HEPH: variants seen among roughly 807,000 people sequenced by gnomAD.
The protein encoded by HEPH is hephaestin.
Under a neutral mutation model 80.8 loss-of-function variants are expected in HEPH, and 69 were observed. The ratio of observed to expected loss-of-function variants is 0.85; its 90% CI spans 0.70 to 1.04. HEPH has a LOEUF of 1.04. Among genes scored for constraint, HEPH ranks in the 50% least tolerant of loss-of-function variants. HEPH has a pLI of 0.00. For synonymous variants in HEPH, 431 were observed against 322.8 expected (o/e 1.34, Z -3.60); for missense variants, 1,115 against 891.3 (o/e 1.25, Z -3.20).
intron 16 of HEPH, 70 bp from the exon 17 acceptor site, chrX:66,256,034 TC>T: frequency 1.3e-6 from 1 of 794,117 alleles, no homozygotes; most frequent in Non-Finnish European, 1.8e-6. Flanking sequence ...AGAAGCTGGC[TC>T]CCTGCGGAGT....
chrX:66,254,778 G>T (rs2091117921), intron 15 of HEPH, among the ~76,000 whole-genome samples: 1 of 33,068 alleles, frequency 3.0e-5, no homozygotes. Context: ...GATATTAAAA[G>T]CAGAGAAAAA....
In HEPH at chrX:66,255,656, G is replaced by C. The variant is rs1052242432; in HGVS notation, c.2671-449G>C. On this transcript the variant is annotated intron_variant, in intron 16 of 20. Coordinates refer to ENST00000343002, the MANE Select transcript of HEPH (RefSeq NM_001367233.3). ...GGTGCTTTGGATGATATAAATTTAAGATACATTTCCCACCTTCAAAGAGTA... is the reference window on the plus strand; with the variant it reads ...GGTGCTTTGGATGATATAAATTTAACATACATTTCCCACCTTCAAAGAGTA... 8.2e-4 allele frequency among the ~76,000 whole-genome samples: 92 copies of C among 111,563 alleles called. 2 individuals carry two copies. The highest frequency in any genetic ancestry group is 3.0e-3 in the African/African-American group (92 of 30,714).
chrX:66,222,281 C>T (rs1332273109), intron 15 of HEPH, among the ~76,000 whole-genome samples: 2 of 112,648 alleles, frequency 1.8e-5, no homozygotes, highest in Non-Finnish European at 3.8e-5. Context: ...GCAGAGAGAG[C>T]TTGGCATGAC....
chrX:66,213,755 A>G (rs2089264077), intron 15 of HEPH, among the ~76,000 whole-genome samples: 1 of 112,038 alleles, frequency 8.9e-6, no homozygotes, highest in Non-Finnish European at 1.9e-5. Flanking sequence ...AAGTTACAAT[A>G]ATTAAAGTGA....
chrX:66,200,424 A>G (rs1015501244), intron 11 of HEPH, 116 bp from the exon 12 acceptor site: 2 of 529,765 alleles, frequency 3.8e-6, no homozygotes, highest in Admixed American at 3.6e-5. Context: ...GTTGAGGATG[A>G]CTCAGCAGTT....
intron 19 of HEPH, among the ~76,000 whole-genome samples, chrX:66,261,284 C>T (rs937459897): frequency 1.8e-5 from 2 of 111,862 alleles, no homozygotes; most frequent in African/African-American, 6.5e-5. Flanking sequence ...TGAGTTACTA[C>T]CAAGGGTGGA....
rs2091538218 is a variant in HEPH, at chrX:66,266,427, T to C, written c.3245-13T>C. ...CCATCCCAGGATGCCCATTTTTTTT[T>C]TCTCCATTTCAGCAGTGCCCCCCAG... On this transcript the variant is annotated splice_polypyrimidine_tract_variant and intron_variant, in intron 20 of 20. Coordinates refer to ENST00000343002, the MANE Select transcript of HEPH (RefSeq NM_001367233.3). 6 of 1,191,376 alleles carry C rather than the reference T, an allele frequency of 5.0e-6. No homozygotes were observed. The highest frequency in any genetic ancestry group is 6.8e-6 in the Non-Finnish European group (6 of 879,260).
At chrX:66,214,393 T>C (rs1339670549) in intron 15 of HEPH, among the ~76,000 whole-genome samples, 1 of 112,107 alleles carries the variant, frequency 8.9e-6, no homozygotes, top group Non-Finnish European at 1.9e-5. Flanking sequence ...TATATTTTAG[T>C]CATTAATCCC....
Position 66,189,829 on chromosome X carries a change from C to T in HEPH, c.954C>T (p.His318=), listed in dbSNP as rs1332447936. The T allele has an allele frequency of 5.0e-6, 6 of 1,208,204 alleles. No individual in the cohort carries two copies. The highest frequency in any genetic ancestry group is 6.7e-6 in the Non-Finnish European group (6 of 894,581). The change falls in exon 6 of 21, where the codon CAC becomes CAT. Residue 318 remains histidine, a synonymous_variant. Coordinates refer to ENST00000343002, the MANE Select transcript of HEPH (RefSeq NM_001367233.3). The part of the protein sequence containing the change: ...FHGQMLTTRG[H]HTDVANIFPA... ...GACAGATGCTGACTACCCGTGGACACCACACTGATGTGGCTAACATCTTTC... is the reference window on the plus strand; with the variant it reads ...GACAGATGCTGACTACCCGTGGACATCACACTGATGTGGCTAACATCTTTC...
rs547932370 is a variant in HEPH, at chrX:66,248,987, G to A, written c.2564-6048G>A. Among the ~76,000 whole-genome samples the A allele has an allele frequency of 4.5e-5, 5 of 111,661 alleles. No individual in the cohort carries two copies. The South Asian group carries it at 1.9e-3, about 42-fold the overall frequency. ...AGTAAAGGCCATCAGTGTTGTGGAGGTGGGTGTGCTGGTGTAGGAGGTTTG... is the reference window on the plus strand; with the variant it reads ...AGTAAAGGCCATCAGTGTTGTGGAGATGGGTGTGCTGGTGTAGGAGGTTTG... On this transcript the variant is annotated intron_variant, in intron 15 of 20. Coordinates refer to ENST00000343002, the MANE Select transcript of HEPH (RefSeq NM_001367233.3).
Position 66,207,265 on chromosome X carries a change from G to A in HEPH, c.2362G>A (p.Glu788Lys). 8.3e-7 allele frequency: 1 copy of A among 1,202,155 alleles called. No individual in the cohort carries two copies. Reference sequence around the variant, plus strand: ...CAGATACAAGAAAGCTGTATTCAGGGAATACACTGATGGTACATTCAGGAT... The same window carrying A: ...CAGATACAAGAAAGCTGTATTCAGGAAATACACTGATGGTACATTCAGGAT... Reference protein sequence around the residue: ...GSRYKKAVFREYTDGTFRIPR... With the variant: ...GSRYKKAVFRKYTDGTFRIPR... Residue 788 changes from glutamate (E) to lysine (K), a missense_variant, in exon 14 of 21, where the codon GAA (glutamate) becomes AAA (lysine). Physicochemically the swap from Glu to Lys is moderately conservative, Grantham distance 56. Around this residue, in one of 3 missense-constraint regions of HEPH, gnomAD observed 716 missense variants for 523.5 expected, o/e 1.37. Coordinates refer to ENST00000343002, the MANE Select transcript of HEPH (RefSeq NM_001367233.3).
At chrX:66,242,351 A>T (rs1464578649) in intron 15 of HEPH, among the ~76,000 whole-genome samples, 1 of 111,815 alleles carries the variant, frequency 8.9e-6, no homozygotes, top group Admixed American at 9.5e-5. Context: ...TTCTTTAATC[A>T]TATACAAAAA....
intron 4 of HEPH, among the ~76,000 whole-genome samples, chrX:66,176,265 GTGA>G (rs2086798430): frequency 1.8e-5 from 2 of 111,820 alleles, no homozygotes; most frequent in South Asian, 7.4e-4. Context: ...TGCATCTATT[GTGA>G]TGATCATGTA....
At chrX:66,224,815 A>T (rs773831209) in intron 15 of HEPH, among the ~76,000 whole-genome samples, 1 of 109,047 alleles carries the variant, frequency 9.2e-6, no homozygotes, top group Admixed American at 9.7e-5. Context: ...TTTCTTAACT[A>T]CTTGTATCTC....
Position 66,173,836 on chromosome X carries a change from T to C in HEPH, c.625+35T>C, listed in dbSNP as rs750790131. The C allele has an allele frequency of 9.6e-6, 10 of 1,045,072 alleles. No individual in the cohort carries two copies. The Admixed American group carries it at 1.3e-4, about 14-fold the overall frequency. 86.1% of individuals were successfully genotyped at this position (1,045,072 alleles called of 1,213,427 possible). A position where few individuals can be genotyped will look rare whatever the true frequency, so the allele number is the denominator to read the frequency against. On this transcript the variant is annotated intron_variant, in intron 4 of 20. Transcript: ENST00000343002. ...CCAAGGATAAGCTATGAGGTGTAGTTTGGGACATCTAGGGGTAGCAGTGAT... is the reference window on the plus strand; with the variant it reads ...CCAAGGATAAGCTATGAGGTGTAGTCTGGGACATCTAGGGGTAGCAGTGAT...
chrX:66,180,322 C>G (rs750965283), intron 4 of HEPH, among the ~76,000 whole-genome samples: 1 of 110,863 alleles, frequency 9.0e-6, no homozygotes, highest in African/African-American at 3.3e-5. Flanking sequence ...ATTCTCTCAG[C>G]GTATGTTTGT....
chrX:66,250,823 G>A (rs1214396644), intron 15 of HEPH, among the ~76,000 whole-genome samples: 2 of 111,557 alleles, frequency 1.8e-5, no homozygotes, highest in African/African-American at 6.5e-5. Flanking sequence ...CACTGTTAAA[G>A]GGAATTTAGA....
intron 16 of HEPH, among the ~76,000 whole-genome samples, 175 bp downstream of exon 16, chrX:66,255,316 G>A (rs2091141300): frequency 9.0e-6 from 1 of 111,279 alleles, no homozygotes; most frequent in African/African-American, 3.3e-5. Context: ...GGAATGGGTA[G>A]CACCAGATAT....
At chrX:66,245,002 T>C (rs2090747151) in intron 15 of HEPH, among the ~76,000 whole-genome samples, 1 of 110,823 alleles carries the variant, frequency 9.0e-6, no homozygotes, top group Non-Finnish European at 1.9e-5. Flanking sequence ...AAACTTCCAT[T>C]TATGTGAAAA....
Sources: allele counts gnomAD v4.1 joint callset (sites outside exome capture counted in the v4.1 genomes callset), GRCh38; gene constraint gnomAD v4.1.1; regional missense constraint gnomAD v4.1.1; transcripts MANE v1.5; gene names NCBI Gene and HGNC (gene_info 2026-07-23, HGNC 2026-07-21).